The following HPSE2 variants were observed in gnomAD, a reference collection of about 807,000 sequenced individuals.
The protein encoded by HPSE2 is heparanase 2 (inactive).
Under a neutral mutation model 60.5 loss-of-function variants are expected in HPSE2, and 38 were observed. The observed-to-expected ratio is 0.63, with a 90% CI of 0.48 to 0.82. HPSE2 has a LOEUF of 0.82. Among genes scored for constraint, HPSE2 ranks in the 40% least tolerant of loss-of-function variants. HPSE2 has a pLI of 0.00. For synonymous variants in HPSE2, 295 were observed against 293.2 expected, an observed-to-expected ratio of 1.01 and a Z score of -0.06; for missense variants, 713 against 740.4, an observed-to-expected ratio of 0.96 and a Z score of 0.43.
At chr10:98,775,453 C>G (rs191563807) in intron 3 of HPSE2, among the ~76,000 whole-genome samples, 1 of 152,288 alleles carries the variant, frequency 6.6e-6, no homozygotes, top group Admixed American at 6.5e-5. Flanking sequence ...GCCAGTTATT[C>G]TCTAGTCTAG....
intron 3 of HPSE2, among the ~76,000 whole-genome samples, chr10:99,135,165 A>C (rs149859748): frequency 6.6e-6 from 1 of 151,476 alleles, no homozygotes; most frequent in African/African-American, 2.4e-5. Context: ...AAGAAGAGTT[A>C]ACTATCCTAA....
intron 9 of HPSE2, among the ~76,000 whole-genome samples, chr10:98,512,357 G>A (rs1051222489): frequency 5.9e-5 from 9 of 152,144 alleles, no homozygotes; most frequent in South Asian, 4.1e-4. Context: ...CGAGGCGGGC[G>A]GATCACGAGG....
chr10:98,779,798 CA>C (rs1950424306), intron 3 of HPSE2, among the ~76,000 whole-genome samples: 1 of 152,018 alleles, frequency 6.6e-6, no homozygotes, highest in African/African-American at 2.4e-5. Flanking sequence ...TAAAAGCTCA[CA>C]AACTAGAAAC....
intron 3 of HPSE2, among the ~76,000 whole-genome samples, chr10:98,857,197 C>A (rs1413999979): frequency 6.6e-6 from 1 of 152,112 alleles, no homozygotes. Flanking sequence ...TTCTGTCTAC[C>A]TTAAGAAGAT....
intron 2 of HPSE2, among the ~76,000 whole-genome samples, chr10:99,209,403 G>T (rs1263673613): frequency 6.6e-6 from 1 of 151,926 alleles, no homozygotes; most frequent in African/African-American, 2.4e-5. Context: ...ATTGATCAAT[G>T]GAGAAATTAA....
At chr10:98,758,763 G>A (rs1452840234) in intron 3 of HPSE2, among the ~76,000 whole-genome samples, 2 of 152,204 alleles carry the variant, frequency 1.3e-5, no homozygotes, top group Admixed American at 1.3e-4. Flanking sequence ...CAGCCATTGT[G>A]GGAAGCAGTT....
At chr10:98,997,983 C>T (rs1956687942) in intron 3 of HPSE2, among the ~76,000 whole-genome samples, 3 of 152,186 alleles carry the variant, frequency 2.0e-5, no homozygotes, top group African/African-American at 7.2e-5. Context: ...AAGGTATGTC[C>T]CACAGCACAG....
chr10:98,921,994 T>C (rs1489380807), intron 3 of HPSE2, among the ~76,000 whole-genome samples: 1 of 152,154 alleles, frequency 6.6e-6, no homozygotes, highest in Non-Finnish European at 1.5e-5. Flanking sequence ...CCAACAGAAT[T>C]ACAATGTAAG....
chr10:98,840,241 T>A (rs1451796288), intron 3 of HPSE2, among the ~76,000 whole-genome samples: 1 of 152,134 alleles, frequency 6.6e-6, no homozygotes, highest in East Asian at 1.9e-4. Context: ...CGGGATTATA[T>A]GGTAGATAAA....
intron 3 of HPSE2, among the ~76,000 whole-genome samples, chr10:98,834,852 A>G (rs1481188253): frequency 1.3e-5 from 2 of 152,148 alleles, no homozygotes; most frequent in African/African-American, 4.8e-5. Context: ...AATGTAAAAC[A>G]ATGTCATTCT....
At chr10:98,880,400 C>T (rs1310664538) in intron 3 of HPSE2, among the ~76,000 whole-genome samples, 1 of 151,994 alleles carries the variant, frequency 6.6e-6, no homozygotes, top group Non-Finnish European at 1.5e-5. Context: ...TACTACATCA[C>T]ATCATGGGTA....
At position 99,235,549 on chromosome 10, in the gene HPSE2, G is replaced by A; in HGVS notation, c.254C>T (p.Pro85Leu). ...GAGCCAGCCATCATGAATGATGGAC[G>A]GATCCAGCTGCAGAGAGAGGAAGTT... ...NENFLSLQLD[P>L]SIIHDGWLDF... The change falls in exon 1 of 12, where the codon CCG becomes CTG. Residue 85 changes from proline to leucine, a missense_variant. Transcript: ENST00000370552. 6.2e-7 allele frequency: 1 copy of A among 1,614,074 alleles called. No homozygotes were observed. Among genetic ancestry groups the A allele is most frequent in the South Asian group, 1.1e-5 (1 of 91,072 alleles).
intron 7 of HPSE2, among the ~76,000 whole-genome samples, chr10:98,630,701 T>C (rs559255034): frequency 6.6e-6 from 1 of 152,320 alleles, no homozygotes; most frequent in African/African-American, 2.4e-5. Flanking sequence ...ATTGTAATTT[T>C]CTATTTTTTT....
chr10:99,150,366 C>A (rs922850967), intron 2 of HPSE2, among the ~76,000 whole-genome samples: 49 of 152,170 alleles, frequency 3.2e-4, no homozygotes, highest in African/African-American at 1.2e-3. Flanking sequence ...TACTCTGTCA[C>A]CCAGGCTGGA....
the HPSE2 span, among the ~76,000 whole-genome samples, chr10:99,305,979 G>GCACACACA: frequency 0.025 from 1,988 of 80,530 alleles, 51 homozygotes; most frequent in Middle Eastern, 0.034. Context: ...GCGCGCGCGC[G>GCACACACA]CACACACACA....
At chr10:99,271,186 A>G in the HPSE2 span, among the ~76,000 whole-genome samples, 1 of 152,218 alleles carries the variant, frequency 6.6e-6, no homozygotes, top group East Asian at 1.9e-4. Context: ...AGTAAACAGG[A>G]CATCAGACTG....
At chr10:99,130,291 C>T (rs1240684924) in intron 3 of HPSE2, among the ~76,000 whole-genome samples, 1 of 152,102 alleles carries the variant, frequency 6.6e-6, no homozygotes, top group East Asian at 1.9e-4. Context: ...GCCAGTATCA[C>T]CTTCATACCA....
chr10:98,521,747 A>G (rs1319585305), intron 9 of HPSE2, among the ~76,000 whole-genome samples: 5 of 152,246 alleles, frequency 3.3e-5, no homozygotes, highest in Non-Finnish European at 4.4e-5. Flanking sequence ...ATGTCCATCA[A>G]TGATAGACTG....
the HPSE2 span, among the ~76,000 whole-genome samples, chr10:99,313,528 A>G: frequency 6.6e-6 from 1 of 150,454 alleles, no homozygotes; most frequent in Non-Finnish European, 1.5e-5. Flanking sequence ...TGAAAACAAC[A>G]GATTTAGAAT....
Sources: gnomAD v4.1 joint callset for allele counts (sites outside exome capture counted in the v4.1 genomes callset) on GRCh38, gnomAD v4.1.1 for gene constraint, MANE v1.5 for transcripts, NCBI Gene and HGNC (gene_info 2026-07-23, HGNC 2026-07-21) for gene names.